The following CEP112 variants were observed in gnomAD, a reference collection of about 807,000 sequenced individuals.
The protein encoded by CEP112 is centrosomal protein of 112 kDa.
A neutral mutation model predicts 153.0 loss-of-function variants in CEP112; 127 were observed. That is an observed-to-expected ratio of 0.83 (90% CI 0.72 to 0.96). The LOEUF is 0.96. Among genes scored for constraint, CEP112 ranks in the 40% least tolerant of loss-of-function variants. The pLI is 0.00. For synonymous variants in CEP112, 358 were observed against 374.4 expected (o/e 0.96, Z 0.51); for missense variants, 1,089 against 1,101.2 (o/e 0.99, Z 0.16).
chr17:66,008,721 C>CCATT (rs1882138699), intron 16 of CEP112, among the ~76,000 whole-genome samples: 1 of 152,106 alleles, frequency 6.6e-6, no homozygotes, highest in Admixed American at 6.6e-5. Context: ...CTGGTAACCA[C>CCATT]CATTCTATTA....
intron 4 of CEP112, among the ~76,000 whole-genome samples, chr17:66,165,090 TTC>T (rs1568566320): frequency 6.7e-6 from 1 of 149,870 alleles, no homozygotes; most frequent in Non-Finnish European, 1.5e-5. Flanking sequence ...CAGAGCCAGT[TTC>T]TATGCACCAG....
At chr17:65,645,560 ATC>A (rs1349122828) in intron 24 of CEP112, among the ~76,000 whole-genome samples, 1 of 152,006 alleles carries the variant, frequency 6.6e-6, no homozygotes. Flanking sequence ...ATCACTTTTC[ATC>A]TGTCTGTTGA....
chr17:66,157,801 A>C (rs1236586803), intron 4 of CEP112, among the ~76,000 whole-genome samples: 2 of 152,170 alleles, frequency 1.3e-5, no homozygotes, highest in Non-Finnish European at 2.9e-5. Context: ...AGGGCATTAC[A>C]TAATAGTAAA....
At chr17:66,089,161 C>A (rs1423528783) in intron 8 of CEP112, among the ~76,000 whole-genome samples, 1 of 152,136 alleles carries the variant, frequency 6.6e-6, no homozygotes, top group Non-Finnish European at 1.5e-5. Context: ...AAACAGCCTG[C>A]CCAGAATCTC....
chr17:66,027,043 G>A (rs2065241778), intron 16 of CEP112, among the ~76,000 whole-genome samples: 1 of 152,088 alleles, frequency 6.6e-6, no homozygotes. Flanking sequence ...GGAAAAATAA[G>A]CAAAATTTAA....
At chr17:65,823,229 T>C (rs2056677875) in intron 21 of CEP112, among the ~76,000 whole-genome samples, 1 of 152,120 alleles carries the variant, frequency 6.6e-6, no homozygotes, top group Admixed American at 6.5e-5. Context: ...ATAGGCAAAA[T>C]GATCTTGAAA....
intron 4 of CEP112, among the ~76,000 whole-genome samples, chr17:66,143,338 T>C (rs955876721): frequency 1.6e-4 from 25 of 152,204 alleles, no homozygotes; most frequent in African/African-American, 5.3e-4. Context: ...CAGTAAAATA[T>C]GGACTCAGGA....
chr17:66,052,162 G>A (rs1457687395), intron 12 of CEP112, among the ~76,000 whole-genome samples: 3 of 152,094 alleles, frequency 2.0e-5, no homozygotes, highest in South Asian at 2.1e-4. Flanking sequence ...TTGACTTTAC[G>A]ACAGTGCAAA....
At chr17:65,981,110 C>G (rs540099128) in intron 17 of CEP112, among the ~76,000 whole-genome samples, 1 of 152,242 alleles carries the variant, frequency 6.6e-6, no homozygotes, top group Non-Finnish European at 1.5e-5. Context: ...GCCACCACGC[C>G]CGGCCATCTT....
At chr17:66,140,282 T>A (rs1423972635) in intron 4 of CEP112, among the ~76,000 whole-genome samples, 1 of 152,090 alleles carries the variant, frequency 6.6e-6, no homozygotes, top group Admixed American at 6.6e-5. Context: ...ATCAGAATAA[T>A]AAAATGCATA....
At chr17:66,162,348 C>T (rs1160321730) in intron 4 of CEP112, among the ~76,000 whole-genome samples, 1 of 152,158 alleles carries the variant, frequency 6.6e-6, no homozygotes, top group African/African-American at 2.4e-5. Flanking sequence ...GATGGAGAGC[C>T]ATGGGAACTT....
intron 21 of CEP112, among the ~76,000 whole-genome samples, chr17:65,824,021 T>C (rs2056721046): frequency 6.6e-6 from 1 of 152,158 alleles, no homozygotes; most frequent in Non-Finnish European, 1.5e-5. Flanking sequence ...TGTAGCTACT[T>C]TGGGAGACAG....
chr17:65,731,706 A>C (rs563420781), intron 23 of CEP112, among the ~76,000 whole-genome samples: 11 of 152,208 alleles, frequency 7.2e-5, no homozygotes, highest in Admixed American at 2.0e-4. Context: ...AACTAAGTTG[A>C]TATAATATTC....
At chr17:66,140,567 T>G (rs2070647829) in intron 4 of CEP112, among the ~76,000 whole-genome samples, 1 of 152,156 alleles carries the variant, frequency 6.6e-6, no homozygotes, top group South Asian at 2.1e-4. Context: ...TTCAGTAAAA[T>G]TTCAGGATAC....
intron 22 of CEP112, among the ~76,000 whole-genome samples, chr17:65,745,657 G>A (rs4625756): frequency 0.94 from 143,661 of 152,304 alleles, 67,857 homozygotes; most frequent in East Asian, 0.99. Flanking sequence ...GGAGGGCAAG[G>A]CAGAGAATGA....
At chr17:65,721,148 C>T (rs576257335) in intron 23 of CEP112, among the ~76,000 whole-genome samples, 1 of 151,780 alleles carries the variant, frequency 6.6e-6, no homozygotes, top group Non-Finnish European at 1.5e-5. Context: ...GTAGCTAAGA[C>T]TACAGGTGCT....
intron 4 of CEP112, among the ~76,000 whole-genome samples, chr17:66,160,345 TA>T (rs1267454469): frequency 6.6e-6 from 1 of 152,184 alleles, no homozygotes; most frequent in Non-Finnish European, 1.5e-5. Flanking sequence ...AAAACTACTT[TA>T]AATTTCATAT....
chr17:66,185,952 G>T (rs752834406), intron 1 of CEP112, among the ~76,000 whole-genome samples: 2 of 151,844 alleles, frequency 1.3e-5, no homozygotes, highest in East Asian at 3.9e-4. Flanking sequence ...TAAGTAAATC[G>T]TAGCTTTTAC....
intron 9 of CEP112, among the ~76,000 whole-genome samples, chr17:66,068,232 C>T (rs1240127112): frequency 6.6e-6 from 1 of 152,108 alleles, no homozygotes; most frequent in Non-Finnish European, 1.5e-5. Flanking sequence ...ATCTACTTTT[C>T]TTATGGCTGG....
Sources: allele counts gnomAD v4.1 joint callset (sites outside exome capture counted in the v4.1 genomes callset), GRCh38; gene constraint gnomAD v4.1.1; transcripts MANE v1.5; gene names NCBI Gene and HGNC (gene_info 2026-07-23, HGNC 2026-07-21).